DCDC1: variants seen among roughly 807,000 people sequenced by gnomAD.
DCDC1 encodes doublecortin domain-containing protein 1.
DCDC1 carries 200 observed loss-of-function variants against 178.3 expected under a neutral mutation model. The observed-to-expected ratio is 1.12, with a 90% CI of 1.00 to 1.26. The LOEUF is 1.26. DCDC1 is among the 50% of genes most tolerant of loss of function. DCDC1 has a pLI of 0.00. For missense variants in DCDC1, 1,983 were observed against 1,749.2 expected (o/e 1.13, Z -2.38); for synonymous variants, 690 against 604.8 (o/e 1.14, Z -2.07).
At chr11:31,208,276 G>A (rs1184542562) in intron 9 of DCDC1, among the ~76,000 whole-genome samples, 1 of 152,046 alleles carries the variant, frequency 6.6e-6, no homozygotes, top group Non-Finnish European at 1.5e-5. Context: ...TCAGTAAATG[G>A]AGCCAATGTT....
chr11:30,992,738 A>G (rs1209457904), intron 20 of DCDC1: 5 of 152,222 alleles, frequency 3.3e-5, no homozygotes, highest in Admixed American at 6.6e-5. Flanking sequence ...AACAAAGTCC[A>G]AAGTCTAGAC....
At chr11:30,885,989 T>C (rs573691991) in intron 36 of DCDC1, among the ~76,000 whole-genome samples, 7 of 152,250 alleles carry the variant, frequency 4.6e-5, no homozygotes, top group African/African-American at 1.2e-4. Flanking sequence ...ATCAATTTGA[T>C]AGAAGGTTAT....
chr11:31,096,048 T>C (rs912700809), intron 15 of DCDC1, among the ~76,000 whole-genome samples: 2 of 152,180 alleles, frequency 1.3e-5, no homozygotes, highest in Non-Finnish European at 2.9e-5. Flanking sequence ...AATTCAATGA[T>C]GATTTAAAAG....
At chr11:30,880,587 T>C (rs932923965) in intron 37 of DCDC1, among the ~76,000 whole-genome samples, 2 of 152,168 alleles carry the variant, frequency 1.3e-5, no homozygotes, top group East Asian at 3.8e-4. Context: ...CTGAAAATTA[T>C]ATCTTTGCTA....
chr11:30,981,688 T>C (rs901523554), intron 20 of DCDC1, among the ~76,000 whole-genome samples: 1 of 152,024 alleles, frequency 6.6e-6, no homozygotes, highest in Admixed American at 6.6e-5. Flanking sequence ...TCAATAGGAG[T>C]TTAGTAAGTC....
At chr11:31,245,308 G>T (rs1943474484) in intron 8 of DCDC1, among the ~76,000 whole-genome samples, 1 of 149,734 alleles carries the variant, frequency 6.7e-6, no homozygotes, top group African/African-American at 2.5e-5. Flanking sequence ...ATATTTTTTA[G>T]TTTAGTGAAA....
intron 20 of DCDC1, among the ~76,000 whole-genome samples, chr11:31,019,730 T>C (rs1044282693): frequency 6.6e-6 from 1 of 152,078 alleles, no homozygotes; most frequent in African/African-American, 2.4e-5. Context: ...GTCCACAATA[T>C]CCAGATCTCC....
At chr11:31,050,322 T>G (rs1158133902) in intron 20 of DCDC1, among the ~76,000 whole-genome samples, 1 of 152,076 alleles carries the variant, frequency 6.6e-6, no homozygotes, top group African/African-American at 2.4e-5. Flanking sequence ...GAATCTCACC[T>G]TCATCCCCTA....
In DCDC1 at chr11:30,919,949, G is replaced by C. The variant is rs1946129516; in HGVS notation, c.3293+827C>G. ...GGTAGAGGGAGGGGTAGGCAAGGGG[G>C]AGAGGGACTGACAAGCACATTGCCA... On this transcript the variant is annotated intron_variant, in intron 25 of 38. Transcript: ENST00000684477. Among the ~76,000 whole-genome samples, 3 of 152,134 alleles carry C rather than the reference G, an allele frequency of 2.0e-5. No homozygotes were observed. In the South Asian group the frequency reaches 6.2e-4, roughly 32 times the overall value.
At chr11:31,103,843 T>C (rs1396793078) in intron 13 of DCDC1, 74 bp from the exon 14 acceptor site, 4 of 717,824 alleles carry the variant, frequency 5.6e-6, no homozygotes, top group East Asian at 4.9e-5. Context: ...AAATAAACAA[T>C]AAAATACACA....
chr11:31,328,316 T>C (rs769502599), intron 2 of DCDC1, 30 bp from the exon 3 acceptor site: 1 of 1,528,818 alleles, frequency 6.5e-7, no homozygotes, highest in South Asian at 1.3e-5. Context: ...TTATTTAATT[T>C]TAAATGTAAA....
At chr11:31,194,135 T>G (rs184069853) in intron 9 of DCDC1, among the ~76,000 whole-genome samples, 4 of 152,198 alleles carry the variant, frequency 2.6e-5, no homozygotes, top group Admixed American at 2.6e-4. Flanking sequence ...TATTCAAAAC[T>G]AAAGTTTGAT....
At chr11:31,281,160 A>G (rs1425546265) in intron 7 of DCDC1, among the ~76,000 whole-genome samples, 2 of 152,176 alleles carry the variant, frequency 1.3e-5, no homozygotes, top group South Asian at 2.1e-4. Flanking sequence ...TAGGTTCTTT[A>G]AGGTATTTGA....
chr11:31,021,427 G>A (rs565205739), intron 20 of DCDC1, among the ~76,000 whole-genome samples: 2 of 152,196 alleles, frequency 1.3e-5, no homozygotes, highest in East Asian at 1.9e-4. Context: ...TTTGTGTACT[G>A]ATACAGAAAA....
chr11:31,274,719 G>A (rs1489658431), intron 7 of DCDC1, among the ~76,000 whole-genome samples: 6 of 128,330 alleles, frequency 4.7e-5, no homozygotes, highest in Admixed American at 2.5e-4. Context: ...TTTTTTTTCC[G>A]AGACAGAGTC....
chr11:30,978,109 T>G (rs988209208), intron 20 of DCDC1, among the ~76,000 whole-genome samples: 2 of 152,218 alleles, frequency 1.3e-5, no homozygotes, highest in African/African-American at 4.8e-5. Context: ...TAAAATTACT[T>G]AACTCTGACT....
At chr11:31,290,507 C>G in intron 7 of DCDC1, 140 bp downstream of exon 7, 9 of 867,204 alleles carry the variant, frequency 1.0e-5, no homozygotes, top group Non-Finnish European at 1.5e-5. Flanking sequence ...CAGGTTTATA[C>G]AGAATTTTTT....
intron 20 of DCDC1, among the ~76,000 whole-genome samples, chr11:31,007,890 T>C (rs2135089432): frequency 1.3e-5 from 2 of 152,274 alleles, no homozygotes; most frequent in South Asian, 4.1e-4. Context: ...CTTGAACCCC[T>C]GACCTCAAGT....
At chr11:31,007,297 G>T (rs779433225) in intron 20 of DCDC1, among the ~76,000 whole-genome samples, 12 of 152,192 alleles carry the variant, frequency 7.9e-5, no homozygotes, top group Non-Finnish European at 1.5e-4. Flanking sequence ...ACCTCAGATA[G>T]TGACATCTAG....
Sources: gnomAD v4.1 joint callset for allele counts (sites outside exome capture counted in the v4.1 genomes callset) on GRCh38, gnomAD v4.1.1 for gene constraint, MANE v1.5 for transcripts, NCBI Gene and HGNC (gene_info 2026-07-23, HGNC 2026-07-21) for gene names.